The following SREBF1 variants were observed in gnomAD, a reference collection of about 807,000 sequenced individuals.
SREBF1 encodes sterol regulatory element-binding protein 1.
SREBF1 carries 45 observed loss-of-function variants against 100.1 expected under a neutral mutation model. The observed-to-expected ratio is 0.45, with a 90% CI of 0.35 to 0.58. The LOEUF (loss-of-function observed/expected upper bound fraction) is 0.58, where lower values mean the gene tolerates loss of function less well. Ranked by LOEUF, SREBF1 falls within the 20% of genes least tolerant of loss-of-function variation. The probability of loss-of-function intolerance (pLI) is 0.00; values close to 1 mark genes in which losing one functional copy is unlikely to be tolerated. For synonymous variants in SREBF1, 657 were observed against 681.8 expected, an observed-to-expected ratio of 0.96 and a Z score of 0.57; for missense variants, 1,324 against 1,539.4, an observed-to-expected ratio of 0.86 and a Z score of 2.34.
At position 17,817,078 on chromosome 17, in the gene SREBF1, C is replaced by T; in HGVS notation, c.1665G>A (p.Leu555=). The T allele has an allele frequency of 6.2e-7, 1 of 1,613,182 alleles. No homozygotes were observed. Among genetic ancestry groups the T allele is most frequent in the Non-Finnish European group, 8.5e-7 (1 of 1,180,024 alleles). ...GAAGCACCAAGGAGACGAGCACCAA[C>T]AGCCCATTGAGCAGCCAGACCACTG... The part of the protein sequence containing the change: ...LPPVVWLLNG[L]LVLVSLVLLF... The change falls in exon 9 of 19, where the codon CTG becomes CTA. Residue 555 remains leucine (L), a synonymous_variant. Transcript: ENST00000261646. This position sits in a 1 kb window ranked among gnomAD's most constrained non-coding sequence, Gnocchi z 6.6.
chr17:17,813,634 C>T lies in SREBF1; in HGVS notation c.3037G>A (p.Gly1013Ser), dbSNP rs1325546235. ...RPQASALELR[G>S]FQRDLSSLRR... ...AGGCTGCTCAGGTCCCGTTGGAAGCCACGCAGCTCAAGGGCGGAAGCCTGG... is the reference window on the plus strand; with the variant it reads ...AGGCTGCTCAGGTCCCGTTGGAAGCTACGCAGCTCAAGGGCGGAAGCCTGG... Residue 1013 changes from glycine (G) to serine (S), a missense_variant, in exon 17 of 19, where the codon GGC (glycine) becomes AGC (serine). Coordinates refer to ENST00000261646, the MANE Select transcript of SREBF1 (RefSeq NM_004176.5). The T allele has an allele frequency of 7.6e-6, 12 of 1,578,790 alleles. No homozygotes were observed. Among genetic ancestry groups the T allele is most frequent in the Non-Finnish European group, 8.6e-6 (10 of 1,169,236 alleles).
intron 18 of SREBF1, 80 bp from the exon 19 acceptor site, chr17:17,812,931 G>C (rs535545433): frequency 3.0e-6 from 4 of 1,314,736 alleles, no homozygotes; most frequent in African/African-American, 3.0e-5. Flanking sequence ...CACAAGCCAC[G>C]GCACCAGCCG....
rs34061744 is a variant in SREBF1, at chr17:17,811,403, GA to G, written c.*1218del. ...GAGTAAAAAACAGTCATTGCATTCA[GA>G]AAAAAAAAAAAAAAAAAGTCAATAA... On this transcript the variant is annotated 3_prime_UTR_variant, in exon 19 of 19. Transcript: ENST00000261646. The G allele has an allele frequency of 0.045, 7,381 of 162,684 alleles. 182 individuals carry two copies. Among genetic ancestry groups the G allele is most frequent in the South Asian group, 0.13 (1,537 of 11,678 alleles). 10.1% of individuals were successfully genotyped at this position (162,684 alleles called of 1,614,324 possible).
In SREBF1 at chr17:17,812,502, G is replaced by T; in HGVS notation, c.*120C>A. 1.9e-6 allele frequency: 2 copies of T among 1,057,014 alleles called. No individual in the cohort carries two copies. The highest frequency in any genetic ancestry group is 3.0e-5 in the South Asian group (2 of 66,958). 65.5% of individuals were successfully genotyped at this position (1,057,014 alleles called of 1,614,324 possible). ...CGAAGGCACACAGCAGCCGCAGGTC[G>T]AACTGTGGAGGCCAGAGTCTCTTGC... On this transcript the variant is annotated 3_prime_UTR_variant, in exon 19 of 19. Coordinates refer to ENST00000261646, the MANE Select transcript of SREBF1 (RefSeq NM_004176.5).
At position 17,831,084 on chromosome 17, in the gene SREBF1, G is replaced by A. The variant is rs1221546083; in HGVS notation, c.91+5643C>T. ...TTGGGCAGAAGGTAACTCCCAACCC[G>A]GCTGAGACAAGGGAACTTTATCTTG... On this transcript the variant is annotated intron_variant, in intron 1 of 18. Transcript: ENST00000261646. Among the ~76,000 whole-genome samples the A allele has an allele frequency of 1.7e-4, 6 of 34,874 alleles. 1 individual carries two copies. The highest frequency in any genetic ancestry group is 7.7e-4 in the South Asian group (2 of 2,586). 22.9% of individuals were successfully genotyped at this position (34,874 alleles called of 152,430 possible). A position where few individuals can be genotyped will look rare whatever the true frequency, so the allele number is the denominator to read the frequency against.
At chr17:17,834,430 T>C (rs979233519) in intron 1 of SREBF1, among the ~76,000 whole-genome samples, 5 of 152,342 alleles carry the variant, frequency 3.3e-5, no homozygotes, top group African/African-American at 1.2e-4. Flanking sequence ...TTGCATTTTC[T>C]AAGTTTTCTA....
intron 1 of SREBF1, among the ~76,000 whole-genome samples, chr17:17,834,585 A>T (rs762052704): frequency 6.6e-5 from 10 of 152,146 alleles, no homozygotes; most frequent in Non-Finnish European, 1.3e-4. Flanking sequence ...GACTGCCCCC[A>T]CTCTCTCATA....
In SREBF1 at chr17:17,833,450, AATATATATAT is replaced by A. The variant is rs1555573429; in HGVS notation, c.91+3267_91+3276del. Among the ~76,000 whole-genome samples the A allele has an allele frequency of 5.3e-4, 25 of 47,530 alleles. No individual in the cohort carries two copies. The East Asian group carries it at 0.015, about 28-fold the overall frequency. The allele number at this position is 47,530 out of a possible 152,430, so 31.2% of individuals were successfully genotyped here. ...AAAAAAAAAAAAAAAAAAAAAAAAA[AATATATATAT>A]ATATATATATATATACACACACACA... On this transcript the variant is annotated intron_variant, in intron 1 of 18. Transcript: ENST00000261646.
chr17:17,821,343 C>T (rs1037965215), intron 1 of SREBF1, among the ~76,000 whole-genome samples: 13 of 152,160 alleles, frequency 8.5e-5, no homozygotes, highest in Non-Finnish European at 1.6e-4. Flanking sequence ...CCACTTGGGG[C>T]CTGTTTCTCA....
At chr17:17,819,844 T>A in intron 2 of SREBF1, 119 bp from the exon 3 acceptor site, 1 of 1,361,396 alleles carries the variant, frequency 7.3e-7, no homozygotes, top group East Asian at 2.5e-5. Flanking sequence ...TGGCTTCCTA[T>A]GGACAGTCCC....
chr17:17,828,103 C>T (rs186516255), intron 1 of SREBF1, among the ~76,000 whole-genome samples: 21 of 152,322 alleles, frequency 1.4e-4, no homozygotes, highest in Non-Finnish European at 2.6e-4. Context: ...AGTCAGAGGC[C>T]GTGCAGACTC....
At chr17:17,813,982 T>A (rs2033258799) in intron 16 of SREBF1, 1 of 670,716 alleles carries the variant, frequency 1.5e-6, no homozygotes, top group East Asian at 2.7e-5. Flanking sequence ...TGTCCAGCCC[T>A]CCTGATGCAG....
chr17:17,826,033 T>A (rs906043844), intron 1 of SREBF1, among the ~76,000 whole-genome samples: 22 of 152,216 alleles, frequency 1.4e-4, no homozygotes, highest in African/African-American at 5.1e-4. Flanking sequence ...GGCCCTGCTC[T>A]TCCTTTAGCC....
intron 18 of SREBF1, 117 bp downstream of exon 18, chr17:17,813,246 CCACTG>C: frequency 2.9e-6 from 3 of 1,049,336 alleles, no homozygotes; most frequent in Non-Finnish European, 4.3e-6. Context: ...TAGGTGTGAG[CCACTG>C]CGCCAGGCCT....
At position 17,817,754 on chromosome 17, in the gene SREBF1, C is replaced by T. The variant is rs1234924725; in HGVS notation, c.1346G>A (p.Gly449Asp). ...CGAGTCACTGCCACTGCCACCGCTG[C>T]CACTGCCCCTGCTGCCAAGGGACAA... ...SPLSLGSRGS[G>D]SGGSGSDSEP... The change falls in exon 7 of 19, where the codon GGC (glycine) becomes GAC (aspartate). Residue 449 changes from glycine (G) to aspartate (D), a missense_variant. Physicochemically the swap from Gly to Asp is moderately conservative, Grantham distance 94 (BLOSUM62 -1). Transcript: ENST00000261646. The surrounding 1 kb of genome is among the most constrained non-coding windows in gnomAD (Gnocchi z 6.6). The T allele has an allele frequency of 6.2e-7, 1 of 1,613,594 alleles. No individual in the cohort carries two copies. The highest frequency in any genetic ancestry group is 8.5e-7 in the Non-Finnish European group (1 of 1,180,018).
Position 17,811,854 on chromosome 17 carries a change from C to G in SREBF1, c.*768G>C. 2.3e-6 allele frequency: 1 copy of G among 440,886 alleles called. No homozygotes were observed. The highest frequency in any genetic ancestry group is 4.6e-6 in the Non-Finnish European group (1 of 219,608). 27.3% of individuals were successfully genotyped at this position (440,886 alleles called of 1,614,324 possible). On this transcript the variant is annotated 3_prime_UTR_variant, in exon 19 of 19. Coordinates refer to ENST00000261646, the MANE Select transcript of SREBF1 (RefSeq NM_004176.5). ...ATGGAGGCCCTAAGGGTTGACACAG[C>G]CCAACCATGTGCCCTGGGAGCAGGG...
In SREBF1 at chr17:17,819,006, T is replaced by A. The variant is rs756583841; in HGVS notation, c.1068+7A>T. The A allele has an allele frequency of 5.7e-5, 92 of 1,612,294 alleles. No homozygotes were observed. Among genetic ancestry groups the A allele is most frequent in the Non-Finnish European group, 7.7e-5 (91 of 1,180,020 alleles). ...CCCGGTCTGTGCCCCTGCAGGCCTC[T>A]CCACACCTTTGCCTCAGTGCCCACC... On this transcript the variant is annotated splice_region_variant and intron_variant, in intron 5 of 18. Transcript: ENST00000261646.
In SREBF1 at chr17:17,818,174, G is replaced by C. The variant is rs575505995; in HGVS notation, c.1183+86C>G. ...GAGGGTGGGCCAGAACCAAGGGTGGGGTGGGGCTAGGGATGGGGTGGGGCC... is the reference window on the plus strand; with the variant it reads ...GAGGGTGGGCCAGAACCAAGGGTGGCGTGGGGCTAGGGATGGGGTGGGGCC... On this transcript the variant is annotated intron_variant, in intron 6 of 18. Coordinates refer to ENST00000261646, the MANE Select transcript of SREBF1 (RefSeq NM_004176.5). 5 of 1,146,942 alleles carry C rather than the reference G, an allele frequency of 4.4e-6. No individual in the cohort carries two copies. In the South Asian group the frequency reaches 6.5e-5, roughly 15 times the overall value. The allele number at this position is 1,146,942 out of a possible 1,614,324, so 71.0% of individuals were successfully genotyped here. A position where few individuals can be genotyped will look rare whatever the true frequency, so the allele number is the denominator to read the frequency against.
chr17:17,827,103 C>T (rs1164749561), intron 1 of SREBF1, among the ~76,000 whole-genome samples: 2 of 152,118 alleles, frequency 1.3e-5, no homozygotes, highest in Non-Finnish European at 2.9e-5. Flanking sequence ...GAAGGGAGGG[C>T]AGAAGAAACA....
Sources: gnomAD v4.1 joint callset for allele counts (sites outside exome capture counted in the v4.1 genomes callset) on GRCh38, gnomAD v4.1.1 for gene constraint, Gnocchi (gnomAD v3.1) non-coding constraint, MANE v1.5 for transcripts, NCBI Gene and HGNC (gene_info 2026-07-23, HGNC 2026-07-21) for gene names.